The following RGS7 variants were observed in gnomAD, a reference collection of about 807,000 sequenced individuals.
The protein encoded by RGS7 is regulator of G protein signaling 7, also known as regulator of G-protein signaling 7.
Under a neutral mutation model 81.1 loss-of-function variants are expected in RGS7, and 27 were observed. The observed-to-expected ratio is 0.33, with a 90% CI of 0.25 to 0.46. The LOEUF is 0.46. Among genes scored for constraint, RGS7 ranks in the 20% least tolerant of loss-of-function variants. The pLI is 1.00. For synonymous variants in RGS7, 208 were observed against 207.7 expected (o/e 1.00, Z -0.01); for missense variants, 396 against 607.4 (o/e 0.65, Z 3.66).
At chr1:241,315,669 T>C (rs1417213663) in intron 2 of RGS7, among the ~76,000 whole-genome samples, 1 of 152,228 alleles carries the variant, frequency 6.6e-6, no homozygotes, top group Admixed American at 6.5e-5. Context: ...CCTTGTTTTC[T>C]GATTTGGATG....
rs563934127 is a variant in RGS7 at position 241,319,514 on chromosome 1, A to C, written c.78+36185T>G. On this transcript the variant is annotated intron_variant, in intron 2 of 18. Transcript: ENST00000440928. ...GAAATACTCCTGGGATAGAGAAATA[A>C]AATTTTATTAAAAATATTATTATGT... Among the ~76,000 whole-genome samples, 15 of 152,168 alleles carry C rather than the reference A, an allele frequency of 9.9e-5. No homozygotes were observed. The South Asian group carries it at 2.7e-3, about 27-fold the overall frequency.
At chr1:240,935,352 A>C (rs1676445735) in intron 5 of RGS7, among the ~76,000 whole-genome samples, 1 of 152,248 alleles carries the variant, frequency 6.6e-6, no homozygotes, top group South Asian at 2.1e-4. Flanking sequence ...CCTAGTTATT[A>C]AAAATTTAAT....
At chr1:241,323,972 C>T (rs935841269) in intron 2 of RGS7, among the ~76,000 whole-genome samples, 4 of 152,168 alleles carry the variant, frequency 2.6e-5, no homozygotes. Context: ...TGGCCCTAAG[C>T]AAGTTATTTA....
At chr1:241,212,732 G>A (rs2074317162) in intron 2 of RGS7, among the ~76,000 whole-genome samples, 1 of 152,296 alleles carries the variant, frequency 6.6e-6, no homozygotes, top group Middle Eastern at 3.4e-3. Context: ...CACCTCACCA[G>A]CAGGGTGTCC....
At chr1:241,154,525 G>C (rs2068974832) in intron 2 of RGS7, among the ~76,000 whole-genome samples, 1 of 152,208 alleles carries the variant, frequency 6.6e-6, no homozygotes. Flanking sequence ...GTGAAAGCCA[G>C]GACTGTGCCC....
chr1:241,189,355 G>A (rs895500729), intron 2 of RGS7, among the ~76,000 whole-genome samples: 5 of 151,916 alleles, frequency 3.3e-5, no homozygotes, highest in Non-Finnish European at 7.4e-5. Context: ...TTTGCCCTTG[G>A]TCTAATTGTT....
chr1:241,076,220 G>C (rs2062790361), intron 3 of RGS7, among the ~76,000 whole-genome samples: 1 of 151,946 alleles, frequency 6.6e-6, no homozygotes, highest in Non-Finnish European at 1.5e-5. Flanking sequence ...GCCTCTTCTA[G>C]GTTGCTATCC....
intron 9 of RGS7, among the ~76,000 whole-genome samples, chr1:240,830,328 G>A (rs1693610363): frequency 6.6e-6 from 1 of 152,216 alleles, no homozygotes; most frequent in African/African-American, 2.4e-5. Context: ...GGAAGCAGAT[G>A]TCTGAAACAC....
At chr1:241,350,256 T>C (rs61827998) in intron 2 of RGS7, among the ~76,000 whole-genome samples, 13,355 of 152,248 alleles carry the variant, frequency 0.088, 708 homozygotes, top group South Asian at 0.19. Context: ...GATGGTCCTA[T>C]CTTATCTCAG....
rs1663987360 is a variant in RGS7, at chr1:240,868,962, C to G, written c.451-110G>C. ...GAAACAAATAGAGAGTTTCTAAAGC[C>G]CTAAGTGTACTGTGGTTCTCAATGA... On this transcript the variant is annotated intron_variant, in intron 7 of 18. Transcript: ENST00000440928. This position sits in a 1 kb window ranked among gnomAD's most constrained non-coding sequence, Gnocchi z 5.1. 5.2e-6 allele frequency: 5 copies of G among 953,662 alleles called. No individual in the cohort carries two copies. In the Admixed American group the frequency reaches 7.1e-5, roughly 13 times the overall value. 59.1% of individuals were successfully genotyped at this position (953,662 alleles called of 1,614,324 possible).
chr1:241,183,205 T>C (rs375862607), intron 2 of RGS7, among the ~76,000 whole-genome samples: 1 of 152,236 alleles, frequency 6.6e-6, no homozygotes, highest in African/African-American at 2.4e-5. Flanking sequence ...ACTTCGTTCA[T>C]GTGGTAAGAT....
chr1:241,149,852 T>C (rs2068621137), intron 2 of RGS7, among the ~76,000 whole-genome samples: 1 of 152,130 alleles, frequency 6.6e-6, no homozygotes, highest in Non-Finnish European at 1.5e-5. Context: ...CTCAGCTCAC[T>C]GCAACCTCCA....
chr1:240,857,685 C>T (rs1297991417), intron 9 of RGS7, among the ~76,000 whole-genome samples: 1 of 152,092 alleles, frequency 6.6e-6, no homozygotes, highest in Non-Finnish European at 1.5e-5. Context: ...TAAAGTCCTT[C>T]CATGTCTTTT....
At chr1:241,328,130 G>A (rs1366510368) in intron 2 of RGS7, among the ~76,000 whole-genome samples, 2 of 152,070 alleles carry the variant, frequency 1.3e-5, no homozygotes, top group Admixed American at 1.3e-4. Context: ...TTTTGCTAGA[G>A]GTGGATGCTC....
chr1:241,214,938 A>AT (rs918189645), intron 2 of RGS7, among the ~76,000 whole-genome samples: 26 of 152,012 alleles, frequency 1.7e-4, no homozygotes, highest in Non-Finnish European at 2.2e-4. Flanking sequence ...CATTATATCT[A>AT]TTTTTTCCTA....
intron 3 of RGS7, among the ~76,000 whole-genome samples, chr1:240,999,876 T>C (rs1223535528): frequency 1.3e-5 from 2 of 152,182 alleles, no homozygotes; most frequent in Non-Finnish European, 2.9e-5. Flanking sequence ...GTGCTGCGAC[T>C]ACAGGCGTGA....
At chr1:241,087,972 CTCTCTATATATA>C (rs999498011) in intron 3 of RGS7, among the ~76,000 whole-genome samples, 5 of 90,554 alleles carry the variant, frequency 5.5e-5, no homozygotes, top group African/African-American at 2.3e-4. Context: ...CTCTCTCTCT[CTCTCTATATATA>C]TATATATATA....
chr1:241,124,875 T>A (rs555901172), intron 2 of RGS7, among the ~76,000 whole-genome samples: 1 of 152,358 alleles, frequency 6.6e-6, no homozygotes, highest in African/African-American at 2.4e-5. Context: ...AACTTGTTAC[T>A]CATCAATGGA....
intron 2 of RGS7, among the ~76,000 whole-genome samples, chr1:241,120,968 C>T (rs992768658): frequency 6.6e-6 from 1 of 152,116 alleles, no homozygotes; most frequent in Non-Finnish European, 1.5e-5. Context: ...GCGAGGACAC[C>T]GTACCTATAT....
Sources: gnomAD v4.1 joint callset for allele counts (sites outside exome capture counted in the v4.1 genomes callset) on GRCh38, gnomAD v4.1.1 for gene constraint, Gnocchi (gnomAD v3.1) non-coding constraint, MANE v1.5 for transcripts, NCBI Gene and HGNC (gene_info 2026-07-23, HGNC 2026-07-21) for gene names.